ITPRID1: variants seen among roughly 807,000 people sequenced by gnomAD.
ITPRID1 encodes the protein protein ITPRID1.
A neutral mutation model predicts 95.4 loss-of-function variants in ITPRID1; 96 were observed. That is an observed-to-expected ratio of 1.01 (90% confidence interval 0.85 to 1.19). The LOEUF is 1.19. ITPRID1 is among the 50% of genes most tolerant of loss of function. The probability of loss-of-function intolerance (pLI) is 0.00; values close to 1 mark genes in which losing one functional copy is unlikely to be tolerated. For synonymous variants in ITPRID1, 510 were observed against 453.6 expected (o/e 1.12, Z -1.58); for missense variants, 1,339 against 1,252.9 (o/e 1.07, Z -1.04).
At chr7:31,571,574 A>T (rs999767519) in intron 6 of ITPRID1, among the ~76,000 whole-genome samples, 2 of 152,184 alleles carry the variant, frequency 1.3e-5, no homozygotes, top group African/African-American at 4.8e-5. Flanking sequence ...AAGCAGGCCT[A>T]TTGGATAGTG....
chr7:31,589,291 A>G (rs1263263016), intron 10 of ITPRID1, among the ~76,000 whole-genome samples: 9 of 152,136 alleles, frequency 5.9e-5, no homozygotes, highest in African/African-American at 1.9e-4. Context: ...CAGGAAAAAG[A>G]TTTGAAAATT....
intron 1 of ITPRID1, among the ~76,000 whole-genome samples, chr7:31,537,008 G>A (rs1490195695): frequency 6.6e-6 from 1 of 151,990 alleles, no homozygotes; most frequent in Non-Finnish European, 1.5e-5. Context: ...CTGAGCTTAA[G>A]TGAAAATTTC....
intron 1 of ITPRID1, among the ~76,000 whole-genome samples, chr7:31,524,542 T>C (rs913373030): frequency 6.6e-6 from 1 of 152,230 alleles, no homozygotes; most frequent in African/African-American, 2.4e-5. Context: ...AGAATTAACA[T>C]GTTCATTGTT....
At chr7:31,536,575 A>G (rs1298458175) in intron 1 of ITPRID1, among the ~76,000 whole-genome samples, 1 of 152,212 alleles carries the variant, frequency 6.6e-6, no homozygotes, top group African/African-American at 2.4e-5. Context: ...AAACCAAAAA[A>G]GATAAAAAAC....
intron 11 of ITPRID1, 33 bp downstream of exon 11, chr7:31,642,291 A>G (rs911536007): frequency 1.5e-6 from 2 of 1,377,646 alleles, no homozygotes; most frequent in Non-Finnish European, 2.0e-6. Flanking sequence ...CCTGTTGCTC[A>G]TCCCTAACAT....
At chr7:31,562,581 C>G (rs993790377) in intron 5 of ITPRID1, among the ~76,000 whole-genome samples, 3 of 152,092 alleles carry the variant, frequency 2.0e-5, no homozygotes, top group African/African-American at 7.2e-5. Context: ...CAGATGTTCC[C>G]TTACTGCTTG....
At chr7:31,520,562 TGTGAGAGAGAGA>T (rs1222702287) in intron 1 of ITPRID1, among the ~76,000 whole-genome samples, 61 of 50,242 alleles carry the variant, frequency 1.2e-3, no homozygotes, top group African/African-American at 3.2e-3. Context: ...TGTGTGTGTG[TGTGAGAGAGAGA>T]GAGAGAGTTT....
At chr7:31,586,453 C>G (rs1785611908) in intron 10 of ITPRID1, among the ~76,000 whole-genome samples, 1 of 151,730 alleles carries the variant, frequency 6.6e-6, no homozygotes, top group African/African-American at 2.4e-5. Flanking sequence ...TACAGTCCCA[C>G]CAACAGTGTA....
intron 1 of ITPRID1, among the ~76,000 whole-genome samples, chr7:31,516,875 A>G (rs544030266): frequency 6.6e-6 from 1 of 152,272 alleles, no homozygotes; most frequent in Admixed American, 6.5e-5. Flanking sequence ...CCTCGTGTTA[A>G]GTGTCACAGT....
At chr7:31,627,342 A>G (rs1788557320) in intron 10 of ITPRID1, among the ~76,000 whole-genome samples, 1 of 152,184 alleles carries the variant, frequency 6.6e-6, no homozygotes, top group South Asian at 2.1e-4. Flanking sequence ...ATCATGGAAG[A>G]TATTCTTTAG....
chr7:31,601,716 G>A (rs112290927), intron 10 of ITPRID1, among the ~76,000 whole-genome samples: 57 of 152,288 alleles, frequency 3.7e-4, no homozygotes, highest in African/African-American at 1.2e-3. Context: ...GGACTCTACC[G>A]TCACTGAGAA....
chr7:31,565,017 A>G (rs1784749066), intron 5 of ITPRID1, among the ~76,000 whole-genome samples: 1 of 152,136 alleles, frequency 6.6e-6, no homozygotes, highest in South Asian at 2.1e-4. Flanking sequence ...GTCCCGGGAA[A>G]TTTACCTTAC....
intron 5 of ITPRID1, among the ~76,000 whole-genome samples, chr7:31,557,627 C>T (rs1784492460): frequency 6.6e-6 from 1 of 152,148 alleles, no homozygotes; most frequent in Admixed American, 6.5e-5. Context: ...ATCAGTAGAA[C>T]TTGGAGGGGA....
rs1306508123 is a variant in ITPRID1, at chr7:31,654,125, A to G, written c.*1296A>G. Among the ~76,000 whole-genome samples the G allele has an allele frequency of 6.6e-6, 1 of 152,078 alleles. No individual in the cohort carries two copies. Among genetic ancestry groups the G allele is most frequent in the Non-Finnish European group, 1.5e-5 (1 of 68,020 alleles). On this transcript the variant is annotated 3_prime_UTR_variant, in exon 15 of 15. Coordinates refer to ENST00000615280, the MANE Select transcript of ITPRID1 (RefSeq NM_001257967.3). Reference sequence around the variant, plus strand: ...AAAGAGCCTCAGAAGACAGTGTGATAATGTTGCAAAGGGAGATGTGGAGTA... The same window carrying G: ...AAAGAGCCTCAGAAGACAGTGTGATGATGTTGCAAAGGGAGATGTGGAGTA...
intron 10 of ITPRID1, among the ~76,000 whole-genome samples, chr7:31,598,552 C>T (rs6462286): frequency 0.94 from 141,969 of 151,630 alleles, 66,609 homozygotes; most frequent in East Asian, 0.98. Flanking sequence ...TACAGGCGCC[C>T]GCTACCACGC....
At position 31,619,303 on chromosome 7, in the gene ITPRID1, C is replaced by T. The variant is rs1259817811; in HGVS notation, c.1229-22873C>T. Among the ~76,000 whole-genome samples, 3 of 152,208 alleles carry T rather than the reference C, an allele frequency of 2.0e-5. No individual in the cohort carries two copies. The East Asian group carries it at 5.8e-4, about 29-fold the overall frequency. On this transcript the variant is annotated intron_variant, in intron 10 of 14. Coordinates refer to ENST00000615280, the MANE Select transcript of ITPRID1 (RefSeq NM_001257967.3). ...AATTTACATATGAGAAAAGAAAGGT[C>T]CATAAAGTTAGTGATTTATTCTAGG...
In ITPRID1 at chr7:31,652,891, A is replaced by T. The variant is rs1791091722; in HGVS notation, c.*62A>T. On this transcript the variant is annotated 3_prime_UTR_variant, in exon 15 of 15. Coordinates refer to ENST00000615280, the MANE Select transcript of ITPRID1 (RefSeq NM_001257967.3). ...AAGGCCCAGAACAGATGTAGCAAGGAAATTTCAATTTTCCCCAAGGAGAAG... is the reference window on the plus strand; with the variant it reads ...AAGGCCCAGAACAGATGTAGCAAGGTAATTTCAATTTTCCCCAAGGAGAAG... 2 of 1,555,560 alleles carry T rather than the reference A, an allele frequency of 1.3e-6. No homozygotes were observed. Among genetic ancestry groups the T allele is most frequent in the African/African-American group, 2.7e-5 (2 of 73,024 alleles).
At chr7:31,618,247 G>A (rs547934927) in intron 10 of ITPRID1, among the ~76,000 whole-genome samples, 2 of 152,180 alleles carry the variant, frequency 1.3e-5, no homozygotes, top group South Asian at 2.1e-4. Flanking sequence ...CCCAATTTCT[G>A]CCCCCTCACT....
At chr7:31,599,604 T>TCTTC (rs1491294793) in intron 10 of ITPRID1, among the ~76,000 whole-genome samples, 1 of 77,070 alleles carries the variant, frequency 1.3e-5, no homozygotes, top group Non-Finnish European at 2.7e-5. Context: ...TTTCTTTCTT[T>TCTTC]CTTTCTTTCT....
Sources: allele counts gnomAD v4.1 joint callset (sites outside exome capture counted in the v4.1 genomes callset), GRCh38; gene constraint gnomAD v4.1.1; transcripts MANE v1.5; gene names NCBI Gene and HGNC (gene_info 2026-07-23, HGNC 2026-07-21).